BABAM2: variants seen among roughly 807,000 people sequenced by gnomAD.
BABAM2 encodes BRISC and BRCA1 A complex member 2, also known as BRISC and BRCA1-A complex member 2.
Under a neutral mutation model 54.7 loss-of-function variants are expected in BABAM2, and 31 were observed. The observed-to-expected ratio is 0.57, with a 90% CI of 0.43 to 0.77. The LOEUF is 0.77. Ranked by LOEUF, BABAM2 falls within the 30% of genes least tolerant of loss-of-function variation. The probability of loss-of-function intolerance (pLI) is 0.00; values close to 1 mark genes in which losing one functional copy is unlikely to be tolerated. For synonymous variants in BABAM2, 167 were observed against 162.9 expected (o/e 1.03, Z -0.19); for missense variants, 364 against 455.8 (o/e 0.80, Z 1.83).
At chr2:28,192,517 C>CT (rs58587872) in intron 7 of BABAM2, among the ~76,000 whole-genome samples, 1,930 of 120,494 alleles carry the variant, frequency 0.016, 39 homozygotes, top group East Asian at 0.064. Flanking sequence ...GTTTATAGCT[C>CT]TTTTTTTTTT....
At chr2:27,970,374 A>C (rs1671119678) in intron 3 of BABAM2, among the ~76,000 whole-genome samples, 2 of 152,228 alleles carry the variant, frequency 1.3e-5, no homozygotes, top group South Asian at 4.1e-4. Context: ...AAATTGTACT[A>C]TGAGCATCTG....
intron 2 of BABAM2, among the ~76,000 whole-genome samples, chr2:27,903,831 T>G (rs1338687529): frequency 1.3e-5 from 2 of 152,254 alleles, no homozygotes; most frequent in Non-Finnish European, 2.9e-5. Flanking sequence ...TTTGTTCTTA[T>G]GTTAGGTCTT....
intron 6 of BABAM2, among the ~76,000 whole-genome samples, chr2:28,127,808 C>CT (rs570971927): frequency 0.21 from 28,657 of 133,746 alleles, 3,426 homozygotes; most frequent in South Asian, 0.44. Context: ...AGTAGTGAGT[C>CT]TTTTTTTTTT....
intron 10 of BABAM2, among the ~76,000 whole-genome samples, chr2:28,283,391 C>T (rs1366543393): frequency 8.5e-5 from 13 of 152,184 alleles, no homozygotes; most frequent in Non-Finnish European, 1.8e-4. Flanking sequence ...CACCTAGCTA[C>T]AGTACACCCT....
At chr2:28,321,689 C>A (rs983612142) in intron 11 of BABAM2, among the ~76,000 whole-genome samples, 1 of 152,146 alleles carries the variant, frequency 6.6e-6, no homozygotes, top group African/African-American at 2.4e-5. Context: ...GGGCCGGTGT[C>A]TTTTCAGGCA....
At position 28,165,823 on chromosome 2, in the gene BABAM2, G is replaced by A. The variant is rs545377940; in HGVS notation, c.680+36443G>A. Reference sequence around the variant, plus strand: ...AATGCTGTGATTACAGGCATGAGCCGCTGTGCCCGGCTACACTGAAGGCTT... The same window carrying A: ...AATGCTGTGATTACAGGCATGAGCCACTGTGCCCGGCTACACTGAAGGCTT... On this transcript the variant is annotated intron_variant, in intron 7 of 11. Coordinates refer to ENST00000379624, the MANE Select transcript of BABAM2 (RefSeq NM_199191.3). Among the ~76,000 whole-genome samples the A allele has an allele frequency of 4.4e-4, 67 of 152,138 alleles. No individual in the cohort carries two copies. In the South Asian group the frequency reaches 0.013, roughly 30 times the overall value.
intron 5 of BABAM2, among the ~76,000 whole-genome samples, chr2:28,030,446 A>T (rs1193376277): frequency 6.6e-6 from 1 of 152,200 alleles, no homozygotes; most frequent in East Asian, 1.9e-4. Flanking sequence ...CTTACAGCAG[A>T]CCAGGCCTAG....
intron 10 of BABAM2, 33 bp from the exon 11 acceptor site, chr2:28,298,305 C>G (rs1687854810): frequency 1.2e-6 from 2 of 1,604,920 alleles, no homozygotes; most frequent in South Asian, 2.2e-5. Context: ...TGTTTATGCT[C>G]TAACTTTCTT....
intron 3 of BABAM2, among the ~76,000 whole-genome samples, chr2:27,959,426 A>G (rs1169113116): frequency 6.6e-6 from 1 of 152,210 alleles, no homozygotes; most frequent in Admixed American, 6.5e-5. Context: ...GATAACTGTG[A>G]TATATCCAAT....
intron 2 of BABAM2, among the ~76,000 whole-genome samples, chr2:27,900,899 C>T (rs1404478531): frequency 4.0e-5 from 6 of 151,736 alleles, no homozygotes; most frequent in African/African-American, 9.7e-5. Context: ...AAAAATTAGC[C>T]GGGCATGGTA....
chr2:28,194,707 C>T (rs887683453), intron 7 of BABAM2, among the ~76,000 whole-genome samples: 6 of 151,136 alleles, frequency 4.0e-5, no homozygotes, highest in South Asian at 2.1e-4. Context: ...ATTACAGGCA[C>T]GTACCACCAT....
At chr2:28,303,499 G>A (rs2148255968) in intron 11 of BABAM2, among the ~76,000 whole-genome samples, 1 of 152,264 alleles carries the variant, frequency 6.6e-6, no homozygotes, top group Admixed American at 6.5e-5. Context: ...CCACATGTGA[G>A]TGGATCTATT....
At chr2:28,100,252 A>C (rs969585296) in intron 6 of BABAM2, among the ~76,000 whole-genome samples, 7 of 151,960 alleles carry the variant, frequency 4.6e-5, no homozygotes, top group African/African-American at 1.7e-4. Context: ...TGAGGTCAGG[A>C]GTTCGAGACC....
intron 7 of BABAM2, among the ~76,000 whole-genome samples, chr2:28,184,963 T>C (rs1029183861): frequency 6.6e-6 from 1 of 152,244 alleles, no homozygotes; most frequent in East Asian, 1.9e-4. Context: ...TCTTGGTTCA[T>C]AATGAAATGG....
At chr2:28,040,029 A>G (rs1676948391) in intron 5 of BABAM2, among the ~76,000 whole-genome samples, 1 of 152,110 alleles carries the variant, frequency 6.6e-6, no homozygotes, top group Non-Finnish European at 1.5e-5. Flanking sequence ...CTTACAGGAA[A>G]GATTGCTGTG....
chr2:28,165,814 G>C (rs1673611473), intron 7 of BABAM2, among the ~76,000 whole-genome samples: 1 of 152,116 alleles, frequency 6.6e-6, no homozygotes, highest in African/African-American at 2.4e-5. Context: ...GTGATTACAG[G>C]CATGAGCCGC....
intron 3 of BABAM2, among the ~76,000 whole-genome samples, chr2:27,981,818 ATG>A (rs767649262): frequency 2.6e-5 from 4 of 152,122 alleles, no homozygotes; most frequent in Admixed American, 6.6e-5. Flanking sequence ...GGTACAAACA[ATG>A]TGCAAGTTTT....
intron 6 of BABAM2, among the ~76,000 whole-genome samples, chr2:28,126,992 T>C (rs1057452481): frequency 4.0e-5 from 6 of 151,766 alleles, no homozygotes; most frequent in Non-Finnish European, 8.8e-5. Context: ...ATGGGGTTGT[T>C]TTTTTCTTGT....
At chr2:28,249,087 GT>G (rs367887351) in intron 10 of BABAM2, among the ~76,000 whole-genome samples, 4,556 of 129,514 alleles carry the variant, frequency 0.035, 65 homozygotes, top group African/African-American at 0.097. Flanking sequence ...TTGTTTGCTT[GT>G]TTTTTTTTTT....
Sources: allele counts gnomAD v4.1 joint callset (sites outside exome capture counted in the v4.1 genomes callset), GRCh38; gene constraint gnomAD v4.1.1; transcripts MANE v1.5; gene names NCBI Gene and HGNC (gene_info 2026-07-23, HGNC 2026-07-21).